FRMD3: variants seen among roughly 807,000 people sequenced by gnomAD.
FRMD3 encodes the protein FERM domain containing 3, also known as FERM domain-containing protein 3.
FRMD3 carries 33 observed loss-of-function variants against 70.2 expected under a neutral mutation model. The ratio of observed to expected loss-of-function variants is 0.47; its 90% CI spans 0.36 to 0.63. The LOEUF (loss-of-function observed/expected upper bound fraction) is 0.63. Ranked by LOEUF, FRMD3 falls within the 20% of genes least tolerant of loss-of-function variation. The probability of loss-of-function intolerance (pLI) is 0.00; values close to 1 mark genes in which losing one functional copy is unlikely to be tolerated. For synonymous variants in FRMD3, 279 were observed against 255.9 expected (o/e 1.09, Z -0.86); for missense variants, 632 against 711.4 (o/e 0.89, Z 1.27).
chr9:83,560,221 C>T, the FRMD3 span, among the ~76,000 whole-genome samples: 6 of 152,326 alleles, frequency 3.9e-5, no homozygotes, highest in South Asian at 1.0e-3. Flanking sequence ...AGCGTATCTT[C>T]CCTGCCCTGT....
chr9:83,358,289 T>C (rs1313474588), intron 3 of FRMD3, among the ~76,000 whole-genome samples: 1 of 152,256 alleles, frequency 6.6e-6, no homozygotes, highest in Non-Finnish European at 1.5e-5. Flanking sequence ...CATTGGTCTA[T>C]GTGCCTATTT....
At position 83,508,664 on chromosome 9, in the gene FRMD3, C is replaced by G. The variant is rs544991389; in HGVS notation, c.147+29421G>C. ...CTGCTTGGAATGCTCTCCCTGCCCC[C>G]ACCCCAGGAGACACCACAGTGCCTG... On this transcript the variant is annotated intron_variant, in intron 1 of 13. Coordinates refer to ENST00000304195, the MANE Select transcript of FRMD3 (RefSeq NM_174938.6). Among the ~76,000 whole-genome samples, 3 of 152,230 alleles carry G rather than the reference C, an allele frequency of 2.0e-5. No homozygotes were observed. The East Asian group carries it at 5.8e-4, about 29-fold the overall frequency.
the FRMD3 span, among the ~76,000 whole-genome samples, chr9:83,561,653 A>G: frequency 2.0e-5 from 3 of 152,202 alleles, no homozygotes; most frequent in African/African-American, 7.2e-5. Flanking sequence ...CATCATGGCA[A>G]AGGGCAAAAT....
intron 1 of FRMD3, among the ~76,000 whole-genome samples, chr9:83,493,111 C>T (rs1828866891): frequency 6.6e-6 from 1 of 152,134 alleles, no homozygotes; most frequent in Admixed American, 6.5e-5. Flanking sequence ...CCCAAAAAGC[C>T]GCTGACCTCA....
intron 1 of FRMD3, among the ~76,000 whole-genome samples, chr9:83,527,351 A>G (rs1228335629): frequency 6.6e-6 from 1 of 152,214 alleles, no homozygotes; most frequent in Non-Finnish European, 1.5e-5. Context: ...ACCCAGCAAC[A>G]GTGTCTAATC....
chr9:83,357,240 TACATACATA>T lies in FRMD3; in HGVS notation c.296-7492_296-7484del, dbSNP rs1824397264. Among the ~76,000 whole-genome samples, 5 of 7,592 alleles carry T rather than the reference TACATACATA, an allele frequency of 6.6e-4. No individual in the cohort carries two copies. In the South Asian group the frequency reaches 0.026, roughly 39 times the overall value. 5.0% of individuals were successfully genotyped at this position (7,592 alleles called of 152,430 possible). ...ATATATATATTTTATATATATATAATACATACATATATATATATATATATATATATATAT... is the reference window on the plus strand; with the variant it reads ...ATATATATATTTTATATATATATAATTATATATATATATATATATATATAT... On this transcript the variant is annotated intron_variant, in intron 3 of 13. Transcript: ENST00000304195.
At position 83,328,428 on chromosome 9, in the gene FRMD3, T is replaced by G. The variant is rs183630549; in HGVS notation, c.596+7088A>C. On this transcript the variant is annotated intron_variant, in intron 6 of 13. Coordinates refer to ENST00000304195, the MANE Select transcript of FRMD3 (RefSeq NM_174938.6). ...CAAACTACATACATCTGGGTCACAG[T>G]GTAGTCCAAGGACTGTCATTTTATA... Among the ~76,000 whole-genome samples, 164 of 152,334 alleles carry G rather than the reference T, an allele frequency of 1.1e-3. 2 individuals carry two copies. Among genetic ancestry groups the G allele is most frequent in the Non-Finnish European group, 3.4e-4 (23 of 68,028 alleles).
intron 3 of FRMD3, among the ~76,000 whole-genome samples, chr9:83,367,661 TG>T (rs374329683): frequency 6.6e-6 from 1 of 152,240 alleles, no homozygotes; most frequent in African/African-American, 2.4e-5. Flanking sequence ...AAGGAAGTGC[TG>T]GCTGCAACAG....
At chr9:83,313,098 T>C (rs990755894) in intron 7 of FRMD3, among the ~76,000 whole-genome samples, 2 of 152,202 alleles carry the variant, frequency 1.3e-5, no homozygotes, top group African/African-American at 2.4e-5. Flanking sequence ...GTATCACACC[T>C]TGGGAGCTTG....
rs557835081 is a variant in FRMD3 at position 83,473,838 on chromosome 9, G to A, written c.147+64247C>T. Among the ~76,000 whole-genome samples the A allele has an allele frequency of 2.0e-5, 3 of 152,290 alleles. No homozygotes were observed. The East Asian group carries it at 5.8e-4, about 29-fold the overall frequency. The stretch of plus-strand genomic sequence containing the variant: ...CCTTCAAGTTCCAGGCTCATTACTG[G>A]CAGAGAAGGAAGCAGGAAAATAAAT... On this transcript the variant is annotated intron_variant, in intron 1 of 13. Coordinates refer to ENST00000304195, the MANE Select transcript of FRMD3 (RefSeq NM_174938.6).
At chr9:83,460,179 C>A (rs1292816557) in intron 1 of FRMD3, among the ~76,000 whole-genome samples, 2 of 152,150 alleles carry the variant, frequency 1.3e-5, no homozygotes, top group African/African-American at 4.8e-5. Flanking sequence ...CCTCAGTATC[C>A]CCACTCCCTC....
At position 83,381,222 on chromosome 9, in the gene FRMD3, G is replaced by A. The variant is rs115016322; in HGVS notation, c.253-8267C>T. 5.8e-3 allele frequency among the ~76,000 whole-genome samples: 882 copies of A among 152,214 alleles called. 11 individuals carry two copies. Among genetic ancestry groups the A allele is most frequent in the African/African-American group, 0.02 (837 of 41,522 alleles). ...CAACATCAACAAACCTGTAGATCAC[G>A]AACGCTCAAAAATGTTTTTCCATTT... On this transcript the variant is annotated intron_variant, in intron 2 of 13. Coordinates refer to ENST00000304195, the MANE Select transcript of FRMD3 (RefSeq NM_174938.6).
chr9:83,545,362 T>A, the FRMD3 span, among the ~76,000 whole-genome samples: 2 of 145,732 alleles, frequency 1.4e-5, no homozygotes, highest in Non-Finnish European at 3.0e-5. Context: ...TTTTGTTTTT[T>A]TTTTTTTTTT....
chr9:83,428,242 G>A (rs565195338), intron 1 of FRMD3, among the ~76,000 whole-genome samples: 1 of 152,150 alleles, frequency 6.6e-6, no homozygotes, highest in African/African-American at 2.4e-5. Context: ...GCTGGGCATG[G>A]TGGTACACAC....
chr9:83,495,898 T>TATTACC (rs1390476869), intron 1 of FRMD3, among the ~76,000 whole-genome samples: 15 of 152,260 alleles, frequency 9.9e-5, no homozygotes, highest in African/African-American at 3.6e-4. Flanking sequence ...TCTGAGTATT[T>TATTACC]ATTACCATTA....
At position 83,244,884 on chromosome 9, in the gene FRMD3, C is replaced by A; in HGVS notation, c.*3034G>T. 2.0e-6 allele frequency: 2 copies of A among 982,104 alleles called. No individual in the cohort carries two copies. The highest frequency in any genetic ancestry group is 2.4e-6 in the Non-Finnish European group (2 of 829,400). The allele number at this position is 982,104 out of a possible 1,614,324, so 60.8% of individuals were successfully genotyped here. On this transcript the variant is annotated 3_prime_UTR_variant, in exon 14 of 14. Transcript: ENST00000304195. ...AATATTTTTCAAGCACAGACAAATA[C>A]ATACTTTACTTTACCTACATTGTTT...
chr9:83,407,657 T>C (rs781041722), intron 1 of FRMD3, among the ~76,000 whole-genome samples: 67 of 152,308 alleles, frequency 4.4e-4, no homozygotes, highest in African/African-American at 9.1e-4. Flanking sequence ...CTCTAAAACA[T>C]AGGAGCAAAA....
chr9:83,337,408 T>C (rs1823617249), intron 5 of FRMD3, among the ~76,000 whole-genome samples: 1 of 152,126 alleles, frequency 6.6e-6, no homozygotes, highest in Non-Finnish European at 1.5e-5. Flanking sequence ...GAGAAATGCC[T>C]ACACATCTCT....
intron 1 of FRMD3, among the ~76,000 whole-genome samples, chr9:83,394,617 A>T (rs1163038680): frequency 6.6e-6 from 1 of 152,166 alleles, no homozygotes; most frequent in Non-Finnish European, 1.5e-5. Context: ...TGCCCACAGT[A>T]CCTTCTCTTC....
Sources: gnomAD v4.1 joint callset for allele counts (sites outside exome capture counted in the v4.1 genomes callset) on GRCh38, gnomAD v4.1.1 for gene constraint, MANE v1.5 for transcripts, NCBI Gene and HGNC (gene_info 2026-07-23, HGNC 2026-07-21) for gene names.